Variants in CTIF observed in about 807,000 individuals in gnomAD.
CTIF encodes the protein cap binding complex dependent translation initiation factor.
A neutral mutation model predicts 66.0 loss-of-function variants in CTIF; 21 were observed. The ratio of observed to expected loss-of-function variants is 0.32; its 90% confidence interval spans 0.23 to 0.46. The LOEUF (loss-of-function observed/expected upper bound fraction) is 0.46. CTIF is among the 20% of genes least tolerant of loss of function. The pLI is 1.00. For missense variants in CTIF, 739 were observed against 812.7 expected, an observed-to-expected ratio of 0.91 and a Z score of 1.10; for synonymous variants, 345 against 326.4, an observed-to-expected ratio of 1.06 and a Z score of -0.62.
chr18:48,729,028 T>C (rs2092412676), intron 7 of CTIF, among the ~76,000 whole-genome samples: 1 of 152,212 alleles, frequency 6.6e-6, no homozygotes, highest in Non-Finnish European at 1.5e-5. Flanking sequence ...TTTTTGTGTG[T>C]TCTGATTCAA....
At chr18:48,606,170 A>G (rs900713948) in intron 1 of CTIF, among the ~76,000 whole-genome samples, 2 of 152,172 alleles carry the variant, frequency 1.3e-5, no homozygotes, top group East Asian at 1.9e-4. Context: ...AAGCCTTTGC[A>G]GCTCAAAAGG....
At chr18:48,855,735 T>C (rs1004796675) in intron 10 of CTIF, among the ~76,000 whole-genome samples, 5 of 152,184 alleles carry the variant, frequency 3.3e-5, no homozygotes, top group African/African-American at 1.2e-4. Flanking sequence ...ACCTCACCTT[T>C]GAGTAAGGCC....
At position 48,758,263 on chromosome 18, in the gene CTIF, G is replaced by A. The variant is rs377534923; in HGVS notation, c.929G>A (p.Arg310Gln). The change falls in exon 8 of 12, where the codon CGG (arginine) becomes CAG (glutamine). Residue 310 changes from arginine (R) to glutamine (Q), a missense_variant. Arg to Gln is a conservative substitution (Grantham distance 43). This residue lies in a region of CTIF where 529 missense variants were observed against 520.3 expected (regional missense o/e 1.02). Transcript: ENST00000256413. ...ACCCTGGCCCCGGTGGCTTCTGAGC[G>A]GCTGCCCCCACAGCAGTCAGGGGGG... is the stretch of plus-strand genomic sequence containing the variant. ...PDTLAPVASE[R>Q]LPPQQSGGPE... 295 of 1,613,564 alleles carry A rather than the reference G, an allele frequency of 1.8e-4. 1 individual carries two copies. The highest frequency in any genetic ancestry group is 2.2e-4 in the Non-Finnish European group (260 of 1,179,876).
intron 7 of CTIF, among the ~76,000 whole-genome samples, chr18:48,713,781 G>A (rs1161170373): frequency 6.6e-6 from 1 of 152,222 alleles, no homozygotes; most frequent in Non-Finnish European, 1.5e-5. Flanking sequence ...ACTAGAGGAA[G>A]TCAGCTTGGA....
At position 48,860,117 on chromosome 18, in the gene CTIF, G is replaced by T. The variant is rs577701307; in HGVS notation, c.*558G>T. 3 of 376,464 alleles carry T rather than the reference G, an allele frequency of 8.0e-6. No homozygotes were observed. The highest frequency in any genetic ancestry group is 4.2e-5 in the African/African-American group (2 of 47,798). The allele number at this position is 376,464 out of a possible 1,614,324, so 23.3% of individuals were successfully genotyped here. A position where few individuals can be genotyped will look rare whatever the true frequency, so the allele number is the denominator to read the frequency against. ...CAGCCGCCCGTAATTGACGGCCTTT[G>T]TCAGCCATGGCAGAGCTGACGCTCC... On this transcript the variant is annotated 3_prime_UTR_variant, in exon 12 of 12. Coordinates refer to ENST00000256413, the MANE Select transcript of CTIF (RefSeq NM_014772.3).
intron 2 of CTIF, among the ~76,000 whole-genome samples, chr18:48,630,054 T>C (rs1167841112): frequency 6.6e-6 from 1 of 152,228 alleles, no homozygotes; most frequent in African/African-American, 2.4e-5. Flanking sequence ...ATAAACAATT[T>C]ATACATTTTA....
At chr18:48,591,262 C>A (rs1049174301) in intron 1 of CTIF, among the ~76,000 whole-genome samples, 1 of 152,268 alleles carries the variant, frequency 6.6e-6, no homozygotes, top group Non-Finnish European at 1.5e-5. Context: ...CCCATCACCC[C>A]ACCTTGTGGG....
At chr18:48,744,926 C>T (rs952537478) in intron 7 of CTIF, among the ~76,000 whole-genome samples, 1 of 151,972 alleles carries the variant, frequency 6.6e-6, no homozygotes, top group African/African-American at 2.4e-5. Context: ...GGATTCATGC[C>T]ATTCTCCTGC....
intron 6 of CTIF, among the ~76,000 whole-genome samples, chr18:48,689,341 A>G (rs2091892010): frequency 6.6e-6 from 1 of 152,240 alleles, no homozygotes; most frequent in African/African-American, 2.4e-5. Context: ...ATGAGGACAG[A>G]GTGGCCGAGT....
At chr18:48,635,376 T>C (rs916601571) in intron 2 of CTIF, among the ~76,000 whole-genome samples, 2 of 150,906 alleles carry the variant, frequency 1.3e-5, no homozygotes, top group South Asian at 2.1e-4. Context: ...AAGAGCATTG[T>C]GCATTGGCAC....
intron 7 of CTIF, among the ~76,000 whole-genome samples, chr18:48,740,882 C>T (rs147975754): frequency 2.0e-5 from 3 of 152,318 alleles, no homozygotes; most frequent in East Asian, 1.9e-4. Flanking sequence ...CTGCATGCCC[C>T]GACCCTGCCA....
chr18:48,648,845 C>T (rs1315561449), intron 3 of CTIF, among the ~76,000 whole-genome samples: 4 of 152,172 alleles, frequency 2.6e-5, no homozygotes, highest in Admixed American at 6.5e-5. Context: ...TGAGGCTGGG[C>T]GTGGTGGCTC....
Position 48,860,556 on chromosome 18 carries a change from G to T in CTIF, c.*997G>T, listed in dbSNP as rs974335836. ...CACCACTGGGACCAAGTTAAACCTG[G>T]TCCTGGCCCCAGGGGCCTTGTGGCA... On this transcript the variant is annotated 3_prime_UTR_variant, in exon 12 of 12. Transcript: ENST00000256413. The T allele has an allele frequency of 3.3e-4, 51 of 153,204 alleles. No homozygotes were observed. The highest frequency in any genetic ancestry group is 1.1e-3 in the African/African-American group (47 of 41,604). 9.5% of individuals were successfully genotyped at this position (153,204 alleles called of 1,614,324 possible).
intron 6 of CTIF, among the ~76,000 whole-genome samples, chr18:48,705,604 A>G (rs1443781608): frequency 6.6e-6 from 1 of 152,150 alleles, no homozygotes; most frequent in Non-Finnish European, 1.5e-5. Context: ...ATGGGATCAC[A>G]CCAGGACTTT....
In CTIF at chr18:48,652,635, C is replaced by G. The variant is rs191006074; in HGVS notation, c.253-11117C>G. On this transcript the variant is annotated intron_variant, in intron 3 of 11. Coordinates refer to ENST00000256413, the MANE Select transcript of CTIF (RefSeq NM_014772.3). ...ATCCTCTCTAACTCATTTTATAAGG[C>G]CAGCATTATCCTGATACCAAAGCCC... Among the ~76,000 whole-genome samples, 408 of 152,258 alleles carry G rather than the reference C, an allele frequency of 2.7e-3. 2 individuals carry two copies. Among genetic ancestry groups the G allele is most frequent in the African/African-American group, 7.4e-3 (308 of 41,534 alleles).
chr18:48,837,232 C>T (rs556474824), intron 10 of CTIF, among the ~76,000 whole-genome samples: 23 of 152,246 alleles, frequency 1.5e-4, no homozygotes, highest in South Asian at 4.1e-4. Context: ...AATCCTCATC[C>T]CTGTGCTCAC....
intron 3 of CTIF, among the ~76,000 whole-genome samples, chr18:48,654,558 C>T (rs1327294354): frequency 6.6e-6 from 1 of 152,218 alleles, no homozygotes; most frequent in Non-Finnish European, 1.5e-5. Flanking sequence ...TTGTGGAAGA[C>T]AGTGTGGTGA....
chr18:48,833,447 T>G (rs1237471409), intron 10 of CTIF, among the ~76,000 whole-genome samples: 1 of 152,044 alleles, frequency 6.6e-6, no homozygotes, highest in Non-Finnish European at 1.5e-5. Flanking sequence ...AAAGATGCCC[T>G]CTTTCCCATT....
intron 7 of CTIF, among the ~76,000 whole-genome samples, chr18:48,715,075 G>C (rs1027484582): frequency 1.3e-5 from 2 of 152,134 alleles, no homozygotes; most frequent in Non-Finnish European, 2.9e-5. Flanking sequence ...GGGGCGGGCC[G>C]CTAGGATCAA....
Sources: gnomAD v4.1 joint callset for allele counts (sites outside exome capture counted in the v4.1 genomes callset) on GRCh38, gnomAD v4.1.1 for gene constraint, gnomAD v4.1.1 regional missense constraint, MANE v1.5 for transcripts, NCBI Gene and HGNC (gene_info 2026-07-23, HGNC 2026-07-21) for gene names.